Variants in SNAP47 observed in about 807,000 individuals in gnomAD.
SNAP47 encodes synaptosome associated protein 47, also known as synaptosomal-associated protein 47.
Under a neutral mutation model 31.4 loss-of-function variants are expected in SNAP47, and 20 were observed. The ratio of observed to expected loss-of-function variants is 0.64; its 90% CI spans 0.45 to 0.93. The LOEUF is 0.93. Among genes scored for constraint, SNAP47 ranks in the 40% least tolerant of loss-of-function variants. The pLI is 0.00. For missense variants in SNAP47, 492 were observed against 528.5 expected (o/e 0.93, Z 0.68); for synonymous variants, 194 against 213.4 (o/e 0.91, Z 0.79).
At chr1:227,743,565 T>G (rs1661760708) in intron 1 of SNAP47, among the ~76,000 whole-genome samples, 1 of 152,230 alleles carries the variant, frequency 6.6e-6, no homozygotes, top group Non-Finnish European at 1.5e-5. Flanking sequence ...TTCCCGGCAG[T>G]CCCAGGCCTT....
rs768719759 is a variant in SNAP47, at chr1:227,747,834, C to T, written c.98C>T (p.Ser33Leu). ...VTGQLSLTSL[S>L]LRFMTDSTGE... is the part of the protein sequence containing the mutation. ...GGACAGCTGTCCTTAACATCGCTGT[C>T]GCTCAGGTTCATGACTGACAGCACT... is the stretch of plus-strand genomic sequence containing the variant. Residue 33 changes from serine to leucine, a missense_variant, in exon 2 of 5, where the codon TCG becomes TTG. Coordinates refer to ENST00000617596, the MANE Select transcript of SNAP47 (RefSeq NM_053052.4). 8.7e-6 allele frequency: 14 copies of T among 1,614,166 alleles called. No individual in the cohort carries two copies. The East Asian group carries it at 1.8e-4, about 21-fold the overall frequency.
intron 3 of SNAP47, among the ~76,000 whole-genome samples, chr1:227,761,678 C>T (rs947361906): frequency 2.0e-5 from 3 of 152,144 alleles, no homozygotes; most frequent in East Asian, 1.9e-4. Flanking sequence ...AGGTATGTGA[C>T]GTGCTGTGGA....
At chr1:227,768,550 A>G (rs1302378955) in intron 4 of SNAP47, among the ~76,000 whole-genome samples, 2 of 152,218 alleles carry the variant, frequency 1.3e-5, no homozygotes, top group Non-Finnish European at 2.9e-5. Flanking sequence ...GTTTGGGGAA[A>G]AAGGTGTTCA....
upstream of SNAP47, chr1:227,732,916 TCCAC>T: frequency 3.1e-6 from 5 of 1,612,938 alleles, no homozygotes; most frequent in Non-Finnish European, 4.2e-6. Context: ...ATGGAGTCCC[TCCAC>T]TCGCTGACCT....
At chr1:227,780,269 A>G (rs1006328232) in intron 4 of SNAP47, among the ~76,000 whole-genome samples, 1 of 152,162 alleles carries the variant, frequency 6.6e-6, no homozygotes, top group African/African-American at 2.4e-5. Context: ...GGGTGTGGCC[A>G]CTGCACCAGG....
At chr1:227,751,794 C>T (rs1443718396) in intron 2 of SNAP47, among the ~76,000 whole-genome samples, 2 of 110,344 alleles carry the variant, frequency 1.8e-5, no homozygotes, top group East Asian at 3.1e-4. Context: ...GACGGAGTCT[C>T]GCTCTGTCTC....
intron 2 of SNAP47, among the ~76,000 whole-genome samples, chr1:227,749,029 A>T (rs1662168526): frequency 6.6e-6 from 1 of 151,760 alleles, no homozygotes; most frequent in Non-Finnish European, 1.5e-5. Context: ...TCTTCCTACC[A>T]TTTATCATTT....
chr1:227,742,568 C>T (rs1431514527), intron 1 of SNAP47, among the ~76,000 whole-genome samples: 1 of 152,220 alleles, frequency 6.6e-6, no homozygotes, highest in African/African-American at 2.4e-5. Context: ...TTTCCCTCCA[C>T]ACTCCTGAAA....
chr1:227,732,283 C>T (rs1345026264), upstream of SNAP47: 10 of 1,329,008 alleles, frequency 7.5e-6, no homozygotes, highest in South Asian at 1.3e-5. Context: ...CCACAAGCCT[C>T]GACAGGGGTG....
intron 4 of SNAP47, among the ~76,000 whole-genome samples, chr1:227,767,780 C>A (rs1163119236): frequency 6.6e-6 from 1 of 152,224 alleles, no homozygotes; most frequent in Admixed American, 6.5e-5. Context: ...ACTGTGCATG[C>A]ATGCAGGTAC....
chr1:227,743,648 G>A (rs980302448), intron 1 of SNAP47, among the ~76,000 whole-genome samples: 6 of 152,172 alleles, frequency 3.9e-5, no homozygotes, highest in African/African-American at 1.2e-4. Context: ...CCGTGTCATC[G>A]TTGCTGGTCT....
At chr1:227,775,147 G>A (rs916426592) in intron 4 of SNAP47, among the ~76,000 whole-genome samples, 16 of 152,252 alleles carry the variant, frequency 1.1e-4, no homozygotes, top group African/African-American at 3.6e-4. Context: ...GGACTTGGGC[G>A]GGCCGCAGGG....
intron 4 of SNAP47, chr1:227,775,896 G>A (rs1664131156): frequency 3.1e-6 from 4 of 1,303,062 alleles, no homozygotes; most frequent in Non-Finnish European, 4.0e-6. Context: ...GCAGCAAGCG[G>A]AAGCTTTTCT....
intron 2 of SNAP47, among the ~76,000 whole-genome samples, chr1:227,752,004 A>T (rs980061171): frequency 1.3e-5 from 2 of 151,976 alleles, no homozygotes; most frequent in African/African-American, 4.8e-5. Flanking sequence ...TGACCTCGTG[A>T]TCCACCCGCC....
Position 227,741,987 on chromosome 1 carries a change from C to T in SNAP47, c.-45-5705C>T, listed in dbSNP as rs996300739. Among the ~76,000 whole-genome samples the T allele has an allele frequency of 6.6e-6, 1 of 150,992 alleles. No individual in the cohort carries two copies. The highest frequency in any genetic ancestry group is 1.5e-5 in the Non-Finnish European group (1 of 67,648). ...TGAGAAGAGCCTTGGTTATTCATGT[C>T]CTAATTTTTTGGTCTTTTTTTTCTT... On this transcript the variant is annotated intron_variant, in intron 1 of 4. Coordinates refer to ENST00000617596, the MANE Select transcript of SNAP47 (RefSeq NM_053052.4). The surrounding 1 kb of genome is among the most constrained non-coding windows in gnomAD (Gnocchi z 4.2).
At chr1:227,766,770 A>T (rs1300279763) in intron 3 of SNAP47, among the ~76,000 whole-genome samples, 189 bp from the exon 4 acceptor site, 1 of 152,244 alleles carries the variant, frequency 6.6e-6, no homozygotes, top group Non-Finnish European at 1.5e-5. Flanking sequence ...GTCTGTTTGC[A>T]GTGTTGCAGA....
At chr1:227,735,291 G>A (rs770795482), upstream of SNAP47, 12 of 1,605,598 alleles carry the variant, frequency 7.5e-6, no homozygotes, top group South Asian at 7.8e-5. Flanking sequence ...AGCACGGGTC[G>A]AAGGACCCTC....
rs1248350452 is a variant in SNAP47, at chr1:227,736,952, T to C, written c.-46+1453T>C. 2.6e-5 allele frequency among the ~76,000 whole-genome samples: 4 copies of C among 152,294 alleles called. No individual in the cohort carries two copies. The East Asian group carries it at 7.7e-4, about 29-fold the overall frequency. Reference sequence around the variant, plus strand: ...GAAGGGGTGTGGGTTATGGAGTTTATAGGAAGGTTTCAGGAATTTGGCTCA... The same window carrying C: ...GAAGGGGTGTGGGTTATGGAGTTTACAGGAAGGTTTCAGGAATTTGGCTCA... On this transcript the variant is annotated intron_variant, in intron 1 of 4. Coordinates refer to ENST00000617596, the MANE Select transcript of SNAP47 (RefSeq NM_053052.4).
In SNAP47 at chr1:227,741,491, A is replaced by ATGTCTTG. The variant is rs1457928111; in HGVS notation, c.-46+5996_-46+6002dup. Among the ~76,000 whole-genome samples the ATGTCTTG allele has an allele frequency of 6.6e-6, 1 of 152,094 alleles. No individual in the cohort carries two copies. Among genetic ancestry groups the ATGTCTTG allele is most frequent in the Admixed American group, 6.5e-5 (1 of 15,286 alleles). On this transcript the variant is annotated intron_variant, in intron 1 of 4. Coordinates refer to ENST00000617596, the MANE Select transcript of SNAP47 (RefSeq NM_053052.4). This position sits in a 1 kb window ranked among gnomAD's most constrained non-coding sequence, Gnocchi z 4.2. ...CTGTGGGGTGGCACACCCCATGTTGATGTCTTGTGTGTGGCCACTTTCATT... is the reference window on the plus strand; with the variant it reads ...CTGTGGGGTGGCACACCCCATGTTGATGTCTTGTGTCTTGTGTGTGGCCACTTTCATT...
Sources: gnomAD v4.1 joint callset for allele counts (sites outside exome capture counted in the v4.1 genomes callset) on GRCh38, gnomAD v4.1.1 for gene constraint, Gnocchi (gnomAD v3.1) non-coding constraint, MANE v1.5 for transcripts, NCBI Gene and HGNC (gene_info 2026-07-23, HGNC 2026-07-21) for gene names.